Variants in PKD1 observed in about 807,000 individuals in gnomAD.
The protein encoded by PKD1 is polycystin 1, transient receptor potential channel interacting, also known as polycystin-1.
PKD1 carries 81 observed loss-of-function variants against 361.7 expected under a neutral mutation model. The ratio of observed to expected loss-of-function variants is 0.22; its 90% CI spans 0.19 to 0.27. The LOEUF (loss-of-function observed/expected upper bound fraction) is 0.27, where lower values mean the gene tolerates loss of function less well. Ranked by LOEUF, PKD1 falls within the 10% of genes least tolerant of loss-of-function variation. The pLI is 1.00. For synonymous variants in PKD1, 3,615 were observed against 2,818.3 expected (o/e 1.28, Z -8.95); for missense variants, 6,399 against 6,118.3 (o/e 1.05, Z -1.53).
intron 1 of PKD1, among the ~76,000 whole-genome samples, chr16:2,121,494 G>A (rs1404723287): frequency 6.6e-6 from 1 of 152,164 alleles, no homozygotes; most frequent in Admixed American, 6.5e-5. Flanking sequence ...ACAGCCGTAG[G>A]AAAAACATCC....
Position 2,112,471 on chromosome 16 carries a change from C to G in PKD1, c.3164G>C (p.Trp1055Ser), listed in dbSNP as rs1266913562. 1.5e-5 allele frequency: 24 copies of G among 1,588,370 alleles called. No homozygotes were observed. Among genetic ancestry groups the G allele is most frequent in the Non-Finnish European group, 2.0e-5 (23 of 1,175,990 alleles). ...GGCCTGCTCCCCATCCCCAAAGGTC[C>G]ACCTGCCGGGGCGGTGGGACGCAGT... ...VDSAVEVAFLWTFGDGEQALH... is the reference protein window; with the variant it reads ...VDSAVEVAFLSTFGDGEQALH... Residue 1055 changes from tryptophan (W) to serine (S), a missense_variant and splice_region_variant, in exon 14 of 46, where the codon TGG becomes TCG. Transcript: ENST00000262304.
In PKD1 at chr16:2,097,987, G is replaced by A. The variant is rs980155038; in HGVS notation, c.10051-3C>T. ...GTGGGGCTCGGGCTCCCAGCCACCTGCAGGACGAGGGCAGTGGTCAGCGGG... is the reference window on the plus strand; with the variant it reads ...GTGGGGCTCGGGCTCCCAGCCACCTACAGGACGAGGGCAGTGGTCAGCGGG... On this transcript the variant is annotated splice_region_variant and splice_polypyrimidine_tract_variant and intron_variant, in intron 30 of 45. Coordinates refer to ENST00000262304, the MANE Select transcript of PKD1 (RefSeq NM_001009944.3). The A allele has an allele frequency of 3.2e-6, 5 of 1,551,148 alleles. No homozygotes were observed. The highest frequency in any genetic ancestry group is 4.4e-6 in the Non-Finnish European group (5 of 1,130,326).
chr16:2,135,217 T>G (rs1596635907), intron 1 of PKD1: 2 of 983,664 alleles, frequency 2.0e-6, no homozygotes. Flanking sequence ...GAGCGCGGCC[T>G]CCGCGCCCCG....
chr16:2,091,672 C>T (rs1387172584), intron 41 of PKD1, 75 bp from the exon 42 acceptor site: 51 of 1,561,736 alleles, frequency 3.3e-5, no homozygotes, highest in Non-Finnish European at 4.3e-5. Flanking sequence ...GCAGGCGTGG[C>T]TGAGGGGCTG....
In PKD1 at chr16:2,108,291, C is replaced by A; in HGVS notation, c.6876G>T (p.Thr2292=). 6.2e-7 allele frequency: 1 copy of A among 1,601,500 alleles called. No homozygotes were observed. The part of the protein sequence containing the change: ...YDPNLEDGDQ[T]PLSFHWACVA... ...CACAGGCCCAGTGGAAACTGAGCGG[C>A]GTCTGGTCGCCGTCCTCCAGGTTGG... Residue 2292 remains threonine (T), a synonymous_variant, in exon 15 of 46, where the codon ACG becomes ACT. Transcript: ENST00000262304.
At position 2,090,982 on chromosome 16, in the gene PKD1, C is replaced by T. The variant is rs757709540; in HGVS notation, c.11905G>A (p.Gly3969Ser). The change falls in exon 43 of 46, where the codon GGC becomes AGC. Residue 3969 changes from glycine to serine, a missense_variant. Coordinates refer to ENST00000262304, the MANE Select transcript of PKD1 (RefSeq NM_001009944.3). ...AAGCTAGTGAAGCGGCGCGGGCGGC[C>T]GCGCACGAAACGGGTCCACTGGCGG... The part of the protein sequence containing the change: ...ADRQWTRFVR[G>S]RPRRFTSFDQ... 4 of 1,537,474 alleles carry T rather than the reference C, an allele frequency of 2.6e-6. No homozygotes were observed. In the South Asian group the frequency reaches 3.5e-5, roughly 14 times the overall value.
At chr16:2,105,599 A>T (rs989056984) in intron 20 of PKD1, 125 bp from the exon 21 acceptor site, 1 of 1,585,178 alleles carries the variant, frequency 6.3e-7, no homozygotes, top group East Asian at 2.2e-5. Flanking sequence ...GCACTGACCC[A>T]CAACACTGAG....
Position 2,111,556 on chromosome 16 carries a change from G to T in PKD1, c.3611C>A (p.Ala1204Glu), listed in dbSNP as rs372642553. 10 of 1,583,464 alleles carry T rather than the reference G, an allele frequency of 6.3e-6. No individual in the cohort carries two copies. The African/African-American group carries it at 9.4e-5, about 15-fold the overall frequency. Residue 1204 changes from alanine to glutamate, a missense_variant, in exon 15 of 46, where the codon GCG becomes GAG. By Grantham distance (107) the Ala-to-Glu change is moderately radical (BLOSUM62 -1). Transcript: ENST00000262304. The stretch of plus-strand genomic sequence containing the variant: ...GAGCTCCTCAAAGACGCGCACATCC[G>T]CCTGGGCCGCCGCACCGCTCACCGT... ...NNTVSGAAAQ[A>E]DVRVFEELRG...
chr16:2,125,416 T>C (rs1034795803), intron 1 of PKD1, among the ~76,000 whole-genome samples: 1 of 152,134 alleles, frequency 6.6e-6, no homozygotes, highest in African/African-American at 2.4e-5. Context: ...TGAGACTAGC[T>C]GGGGAGCCCC....
chr16:2,122,939 G>A (rs2092744854), intron 1 of PKD1, among the ~76,000 whole-genome samples: 1 of 152,186 alleles, frequency 6.6e-6, no homozygotes, highest in South Asian at 2.1e-4. Context: ...AGGAAAGAAG[G>A]AAAAGCCTGA....
rs749563031 is a variant in PKD1 at position 2,102,135 on chromosome 16, G to C, written c.9323C>G (p.Ala3108Gly). ...LDQLDASRGR[A>G]IPFCGQRGRF... ...GCCCCGCTGCCCACAGAAAGGGATG[G>C]CGCGGCCCCGGCTGGCATCCAACTG... The change falls in exon 26 of 46, where the codon GCC (alanine) becomes GGC (glycine). Residue 3108 changes from alanine (A) to glycine (G), a missense_variant. By Grantham distance (60) the Ala-to-Gly change is moderately conservative. Transcript: ENST00000262304. 2 of 1,569,158 alleles carry C rather than the reference G, an allele frequency of 1.3e-6. No individual in the cohort carries two copies. The highest frequency in any genetic ancestry group is 2.3e-4 in the Middle Eastern group (1 of 4,310).
intron 38 of PKD1, 127 bp from the exon 39 acceptor site, chr16:2,092,719 C>A: frequency 1.2e-6 from 1 of 851,450 alleles, no homozygotes; most frequent in Non-Finnish European, 1.9e-6. Context: ...CTGGGCTTCT[C>A]AGCCTTATCC....
rs899209512 is a variant in PKD1, at chr16:2,135,757, G to A, written c.-68C>T. The A allele has an allele frequency of 4.2e-6, 4 of 959,228 alleles. No homozygotes were observed. The African/African-American group carries it at 7.1e-5, about 17-fold the overall frequency. The allele number at this position is 959,228 out of a possible 1,614,324, so 59.4% of individuals were successfully genotyped here. A position where few individuals can be genotyped will look rare whatever the true frequency, so the allele number is the denominator to read the frequency against. Reference sequence around the variant, plus strand: ...CCCGCGCGCGGAGGCCGCAGCTCAGGCGGGGCCCGCGGACGGCATGGCGGG... The same window carrying A: ...CCCGCGCGCGGAGGCCGCAGCTCAGACGGGGCCCGCGGACGGCATGGCGGG... On this transcript the variant is annotated 5_prime_UTR_variant, in exon 1 of 46. Transcript: ENST00000262304.
Position 2,110,185 on chromosome 16 carries a change from T to C in PKD1, c.4982A>G (p.Asn1661Ser), listed in dbSNP as rs1440789964. The C allele has an allele frequency of 1.9e-6, 3 of 1,611,236 alleles. No individual in the cohort carries two copies. Among genetic ancestry groups the C allele is most frequent in the Non-Finnish European group, 2.5e-6 (3 of 1,179,784 alleles). ...QLQAVVRDGTNVSYSWTAWRD... is the reference protein window; with the variant it reads ...QLQAVVRDGTSVSYSWTAWRD... ...CCAGGCAGTCCAGCTGTAGGAGACG[T>C]TGGTGCCATCCCTAACCACGGCCTG... Residue 1661 changes from asparagine to serine, a missense_variant, in exon 15 of 46, where the codon AAC (asparagine) becomes AGC (serine). Transcript: ENST00000262304.
At position 2,091,482 on chromosome 16, in the gene PKD1, C is replaced by T; in HGVS notation, c.11653G>A (p.Val3885Ile). ...AGGCGGCGCAGCGCAAAGGGGCGGA[C>T]GCTGAGGGCGGCCAGGGCGCGGCCG... ...AAGRALAALSVRPFALRRLSA... is the reference protein window; with the variant it reads ...AAGRALAALSIRPFALRRLSA... The change falls in exon 42 of 46, where the codon GTC (valine) becomes ATC (isoleucine). Residue 3885 changes from valine (V) to isoleucine (I), a missense_variant. Transcript: ENST00000262304. The T allele has an allele frequency of 1.5e-6, 2 of 1,375,274 alleles. No individual in the cohort carries two copies. Among genetic ancestry groups the T allele is most frequent in the Non-Finnish European group, 1.9e-6 (2 of 1,070,876 alleles). The allele number at this position is 1,375,274 out of a possible 1,614,324, so 85.2% of individuals were successfully genotyped here.
At chr16:2,092,790 C>G (rs1034153829) in intron 38 of PKD1, 164 bp downstream of exon 38, 1 of 905,824 alleles carries the variant, frequency 1.1e-6, no homozygotes, top group East Asian at 2.5e-5. Context: ...CTGCAAGACA[C>G]GGACCTGTGT....
chr16:2,116,376 C>T (rs1436756626), intron 8 of PKD1, among the ~76,000 whole-genome samples, 153 bp downstream of exon 8: 2 of 152,238 alleles, frequency 1.3e-5, no homozygotes, highest in Non-Finnish European at 2.9e-5. Flanking sequence ...AAACGCTTTC[C>T]TCTCTGCACT....
Position 2,110,506 on chromosome 16 carries a change from T to C in PKD1, c.4661A>G (p.Asn1554Ser), listed in dbSNP as rs751868419. The C allele has an allele frequency of 2.6e-5, 42 of 1,612,038 alleles. 1 individual carries two copies. In the East Asian group the frequency reaches 8.7e-4, roughly 33 times the overall value. The change falls in exon 15 of 46, where the codon AAT becomes AGT. Residue 1554 changes from asparagine to serine, a missense_variant. By Grantham distance (46) the Asn-to-Ser change is conservative. Transcript: ENST00000262304. ...VKRRVRGLVVNASRTVVPLNG... is the reference protein window; with the variant it reads ...VKRRVRGLVVSASRTVVPLNG... ...CAGGGGCACCACCGTGCGGCTTGCA[T>C]TGACGACGAGCCCCCGCACGCGCCG... is the stretch of plus-strand genomic sequence containing the variant.
chr16:2,089,554 CCA>C lies in PKD1; in HGVS notation c.*171_*172del, dbSNP rs1308058698. 3.8e-6 allele frequency: 3 copies of C among 791,556 alleles called. No individual in the cohort carries two copies. The East Asian group carries it at 8.1e-5, about 21-fold the overall frequency. 49.0% of individuals were successfully genotyped at this position (791,556 alleles called of 1,614,324 possible). A position where few individuals can be genotyped will look rare whatever the true frequency, so the allele number is the denominator to read the frequency against. On this transcript the variant is annotated 3_prime_UTR_variant, in exon 46 of 46. Coordinates refer to ENST00000262304, the MANE Select transcript of PKD1 (RefSeq NM_001009944.3). Reference sequence around the variant, plus strand: ...GGAGGGGACCCTGGGTCCTGGTTGGCCACACAGCCTCTTTAAAGTGCTGAAGC... The same window carrying C: ...GGAGGGGACCCTGGGTCCTGGTTGGCCACAGCCTCTTTAAAGTGCTGAAGC...
Sources: allele counts gnomAD v4.1 joint callset (sites outside exome capture counted in the v4.1 genomes callset), GRCh38; gene constraint gnomAD v4.1.1; transcripts MANE v1.5; gene names NCBI Gene and HGNC (gene_info 2026-07-23, HGNC 2026-07-21).